Variants in SYT10 observed in about 807,000 individuals in gnomAD.
SYT10 encodes the protein synaptotagmin 10.
SYT10 carries 31 observed loss-of-function variants against 51.1 expected under a neutral mutation model. The ratio of observed to expected loss-of-function variants is 0.61; its 90% CI spans 0.46 to 0.82. SYT10 has a LOEUF of 0.82. Ranked by LOEUF, SYT10 falls within the 40% of genes least tolerant of loss-of-function variation. The probability of loss-of-function intolerance (pLI) is 0.00; values close to 1 mark genes in which losing one functional copy is unlikely to be tolerated. For missense variants in SYT10, 603 were observed against 634.0 expected (o/e 0.95, Z 0.53); for synonymous variants, 233 against 225.9 (o/e 1.03, Z -0.28).
intron 2 of SYT10, among the ~76,000 whole-genome samples, chr12:33,420,735 C>T (rs1469079649): frequency 1.3e-5 from 2 of 152,168 alleles, no homozygotes; most frequent in Admixed American, 6.5e-5. Flanking sequence ...AAACAAACTT[C>T]AAATTTCAAT....
At chr12:33,412,713 A>C (rs1200220542) in intron 2 of SYT10, among the ~76,000 whole-genome samples, 4 of 152,198 alleles carry the variant, frequency 2.6e-5, no homozygotes, top group African/African-American at 7.2e-5. Context: ...CCAAAGGTAG[A>C]TAAAACCACA....
At chr12:33,386,207 G>T (rs1168988261) in intron 3 of SYT10, among the ~76,000 whole-genome samples, 1 of 151,910 alleles carries the variant, frequency 6.6e-6, no homozygotes, top group Non-Finnish European at 1.5e-5. Context: ...TTTTAGTTTC[G>T]ACTGTTGGCC....
intron 1 of SYT10, among the ~76,000 whole-genome samples, chr12:33,428,702 C>T (rs775022158): frequency 1.3e-5 from 2 of 151,956 alleles, no homozygotes; most frequent in African/African-American, 2.4e-5. Context: ...GTCAGAAGAT[C>T]GACACCATCC....
At chr12:33,402,207 A>G (rs192018112) in intron 3 of SYT10, among the ~76,000 whole-genome samples, 158 of 152,332 alleles carry the variant, frequency 1.0e-3, no homozygotes, top group Non-Finnish European at 1.7e-3. Flanking sequence ...AGAAACTCCT[A>G]TGACATTAAA....
At chr12:33,420,378 G>A (rs914269452) in intron 2 of SYT10, among the ~76,000 whole-genome samples, 1 of 152,046 alleles carries the variant, frequency 6.6e-6, no homozygotes, top group African/African-American at 2.4e-5. Flanking sequence ...AACTTCCCAA[G>A]CATTTATTCA....
At position 33,374,597 on chromosome 12, in the gene SYT10, A is replaced by G. The variant is rs1866047902; in HGVS notation, c.*2233T>C. On this transcript the variant is annotated 3_prime_UTR_variant, in exon 7 of 7. Transcript: ENST00000228567. ...TGAGCATAAACCTACCTCCTGAATTACATGAAAGATGAGTTGTGGTGAATT... is the reference window on the plus strand; with the variant it reads ...TGAGCATAAACCTACCTCCTGAATTGCATGAAAGATGAGTTGTGGTGAATT... 1 of 151,958 alleles carries G rather than the reference A, an allele frequency of 6.6e-6. No individual in the cohort carries two copies. The highest frequency in any genetic ancestry group is 2.1e-4 in the South Asian group (1 of 4,828). 9.4% of individuals were successfully genotyped at this position (151,958 alleles called of 1,614,324 possible). A position where few individuals can be genotyped will look rare whatever the true frequency, so the allele number is the denominator to read the frequency against.
At chr12:33,401,017 A>T (rs1701626269) in intron 3 of SYT10, among the ~76,000 whole-genome samples, 1 of 143,746 alleles carries the variant, frequency 7.0e-6, no homozygotes, top group African/African-American at 2.7e-5. Context: ...ATAGAGTGAG[A>T]TTCTGTCTCA....
chr12:33,389,177 G>A (rs1168040229), intron 3 of SYT10, among the ~76,000 whole-genome samples: 1 of 152,144 alleles, frequency 6.6e-6, no homozygotes, highest in Non-Finnish European at 1.5e-5. Flanking sequence ...TTAGAGGAGA[G>A]TTAGGCTTGA....
At chr12:33,379,581 GA>G (rs1190742331) in intron 6 of SYT10, among the ~76,000 whole-genome samples, 1 of 62,382 alleles carries the variant, frequency 1.6e-5, no homozygotes, top group Non-Finnish European at 3.3e-5. Context: ...AAAAAAAAAA[GA>G]GACTTGCAAA....
intron 1 of SYT10, among the ~76,000 whole-genome samples, chr12:33,428,394 A>G (rs1227138625): frequency 8.5e-6 from 1 of 118,240 alleles, no homozygotes; most frequent in Non-Finnish European, 1.8e-5. Context: ...GCACAGAAGA[A>G]TGGAGAAAAG....
At chr12:33,427,192 G>T (rs1226906881) in intron 1 of SYT10, among the ~76,000 whole-genome samples, 1 of 152,036 alleles carries the variant, frequency 6.6e-6, no homozygotes, top group African/African-American at 2.4e-5. Flanking sequence ...TCTAGGGAGG[G>T]CATTAGGTCA....
chr12:33,376,897 G>A lies in SYT10; in HGVS notation c.1505C>T (p.Pro502Leu). 2 of 1,613,996 alleles carry A rather than the reference G, an allele frequency of 1.2e-6. No homozygotes were observed. Among genetic ancestry groups the A allele is most frequent in the Non-Finnish European group, 1.7e-6 (2 of 1,179,966 alleles). ...ITHWHPLLEL[P>L]GRATSFDSQG... The stretch of plus-strand genomic sequence containing the variant: ...ACTATCAAAACTGGTCGCCCGGCCA[G>A]GTAACTGAAAGACAAAAATTTCATA... The change falls in exon 7 of 7, where the codon CCT becomes CTT. Residue 502 changes from proline (P) to leucine (L), a missense_variant. Pro to Leu is a moderately conservative substitution (Grantham distance 98, BLOSUM62 -3). Transcript: ENST00000228567.
In SYT10 at chr12:33,375,217, G is replaced by T. The variant is rs1866052073; in HGVS notation, c.*1613C>A. 1 of 152,058 alleles carries T rather than the reference G, an allele frequency of 6.6e-6. No individual in the cohort carries two copies. Among genetic ancestry groups the T allele is most frequent in the Middle Eastern group, 3.4e-3 (1 of 294 alleles). The allele number at this position is 152,058 out of a possible 1,614,324, so 9.4% of individuals were successfully genotyped here. ...AAAAATCTGAGGCAGAACTGTGTTT[G>T]CCTTTAAAATGGTAATGTGCAAAAT... On this transcript the variant is annotated 3_prime_UTR_variant, in exon 7 of 7. Transcript: ENST00000228567.
chr12:33,375,023 C>A lies in SYT10; in HGVS notation c.*1807G>T, dbSNP rs1214900125. On this transcript the variant is annotated 3_prime_UTR_variant, in exon 7 of 7. Transcript: ENST00000228567. ...TGAAAAGTTTTATTTCCCAATAAAA[C>A]AAATAATTTCAAAATGCAAGTGTCA... 1.3e-5 allele frequency: 2 copies of A among 151,830 alleles called. No individual in the cohort carries two copies. Among genetic ancestry groups the A allele is most frequent in the African/African-American group, 4.8e-5 (2 of 41,390 alleles). 9.4% of individuals were successfully genotyped at this position (151,830 alleles called of 1,614,324 possible).
chr12:33,433,687 T>A (rs148082620), intron 1 of SYT10, among the ~76,000 whole-genome samples: 18 of 152,290 alleles, frequency 1.2e-4, no homozygotes, highest in African/African-American at 4.3e-4. Context: ...ACACTGCTTG[T>A]TATATTTGGA....
intron 1 of SYT10, among the ~76,000 whole-genome samples, chr12:33,427,298 G>A (rs1291990837): frequency 6.6e-6 from 1 of 152,124 alleles, no homozygotes; most frequent in East Asian, 1.9e-4. Context: ...GCAAGAAGGT[G>A]TCATCTATGA....
intron 3 of SYT10, among the ~76,000 whole-genome samples, chr12:33,394,948 C>T (rs10844576): frequency 0.2 from 30,286 of 151,888 alleles, 3,243 homozygotes; most frequent in South Asian, 0.26. Flanking sequence ...ATTAGCCGGG[C>T]GTGGTGGTGG....
chr12:33,428,171 C>T (rs1352352721), intron 1 of SYT10, among the ~76,000 whole-genome samples: 10 of 152,198 alleles, frequency 6.6e-5, no homozygotes, highest in African/African-American at 2.4e-4. Context: ...AAGAATGTGA[C>T]TCAGTTTTGC....
chr12:33,406,891 A>G lies in SYT10; in HGVS notation c.975T>C (p.Ser325=). ...HFSVYDFDRF[S]RHDMIGEVIL... Reference sequence around the variant, plus strand: ...TCACTTCCCCAATCATGTCATGTCTAGAAAATCTGTCAAAATCATACACAC... The same window carrying G: ...TCACTTCCCCAATCATGTCATGTCTGGAAAATCTGTCAAAATCATACACAC... The change falls in exon 3 of 7, where the codon TCT becomes TCC. Residue 325 remains serine (S), a synonymous_variant. Transcript: ENST00000228567. 6.2e-7 allele frequency: 1 copy of G among 1,614,108 alleles called. No individual in the cohort carries two copies. Among genetic ancestry groups the G allele is most frequent in the Middle Eastern group, 1.6e-4 (1 of 6,062 alleles).
Sources: gnomAD v4.1 joint callset for allele counts (sites outside exome capture counted in the v4.1 genomes callset) on GRCh38, gnomAD v4.1.1 for gene constraint, MANE v1.5 for transcripts, NCBI Gene and HGNC (gene_info 2026-07-23, HGNC 2026-07-21) for gene names.